Variants in SIPA1L2 observed in about 807,000 individuals in gnomAD.
SIPA1L2 encodes signal induced proliferation associated 1 like 2.
Under a neutral mutation model 163.9 loss-of-function variants are expected in SIPA1L2, and 56 were observed. That is an observed-to-expected ratio of 0.34 (90% CI 0.28 to 0.43). The LOEUF is 0.43. SIPA1L2 is among the 20% of genes least tolerant of loss of function. The pLI is 1.00. For synonymous variants in SIPA1L2, 877 were observed against 865.7 expected (o/e 1.01, Z -0.23); for missense variants, 1,974 against 2,193.5 (o/e 0.90, Z 2.00).
At chr1:232,531,503 C>G (rs1394108955) in intron 2 of SIPA1L2, among the ~76,000 whole-genome samples, 1 of 152,120 alleles carries the variant, frequency 6.6e-6, no homozygotes, top group African/African-American at 2.4e-5. Context: ...TTTATTTTTT[C>G]AACAAATACG....
intron 2 of SIPA1L2, among the ~76,000 whole-genome samples, chr1:232,528,140 T>C (rs1667809798): frequency 6.9e-6 from 1 of 144,834 alleles, no homozygotes; most frequent in African/African-American, 2.6e-5. Flanking sequence ...CCCAAAGAAC[T>C]TGTCTGAATA....
intron 2 of SIPA1L2, among the ~76,000 whole-genome samples, chr1:232,515,813 T>C (rs1573013557): frequency 6.6e-6 from 1 of 152,216 alleles, no homozygotes; most frequent in East Asian, 1.9e-4. Flanking sequence ...CAATCAGGTA[T>C]TAACTCATCT....
chr1:232,572,207 A>C (rs1367242653), intron 2 of SIPA1L2, among the ~76,000 whole-genome samples: 2 of 152,170 alleles, frequency 1.3e-5, no homozygotes, highest in Non-Finnish European at 2.9e-5. Context: ...GGGCAGCATG[A>C]GGTGTCCCTT....
At chr1:232,627,128 T>C (rs568997604) in intron 1 of SIPA1L2, among the ~76,000 whole-genome samples, 4 of 152,312 alleles carry the variant, frequency 2.6e-5, no homozygotes, top group African/African-American at 7.2e-5. Context: ...TTAAAAGGAT[T>C]TGTAATCCTC....
At chr1:232,504,542 A>G (rs563854773) in intron 3 of SIPA1L2, among the ~76,000 whole-genome samples, 6 of 152,218 alleles carry the variant, frequency 3.9e-5, no homozygotes, top group African/African-American at 1.4e-4. Flanking sequence ...CATCTCAGAA[A>G]GACAAAAAAA....
In SIPA1L2 at chr1:232,515,144, T is replaced by C. The variant is rs1260526653; in HGVS notation, c.196A>G (p.Asn66Asp). Residue 66 changes from asparagine to aspartate, a missense_variant, in exon 3 of 23, where the codon AAT (asparagine) becomes GAT (aspartate). Physicochemically the swap from Asn to Asp is conservative, Grantham distance 23. Around this residue, in one of 3 missense-constraint regions of SIPA1L2, gnomAD observed 607 missense variants for 624.0 expected, o/e 0.97. Coordinates refer to ENST00000674635, the MANE Select transcript of SIPA1L2 (RefSeq NM_020808.5). Reference protein sequence around the residue: ...SNETGGGGPANGTPAVPKMGV... With the variant: ...SNETGGGGPADGTPAVPKMGV... ...ATCTTGGGCACAGCTGGGGTACCAT[T>C]AGCCGGACCACCACCGCCAGTCTCA... 6.2e-7 allele frequency: 1 copy of C among 1,614,002 alleles called. No homozygotes were observed. Among genetic ancestry groups the C allele is most frequent in the South Asian group, 1.1e-5 (1 of 91,072 alleles).
chr1:232,430,558 C>A (rs540324070), intron 16 of SIPA1L2, among the ~76,000 whole-genome samples: 22 of 152,106 alleles, frequency 1.4e-4, no homozygotes, highest in Non-Finnish European at 2.6e-4. Flanking sequence ...TTCAGCAATC[C>A]GGTAAAACAC....
At chr1:232,585,357 A>G (rs1328099340) in intron 1 of SIPA1L2, among the ~76,000 whole-genome samples, 18 of 152,184 alleles carry the variant, frequency 1.2e-4, no homozygotes, top group Admixed American at 1.2e-3. Context: ...AAAAGAAGAT[A>G]TTTACAATCT....
rs1274191405 is a variant in SIPA1L2, at chr1:232,439,190, G to A, written c.3949C>T (p.His1317Tyr). 3.1e-6 allele frequency: 5 copies of A among 1,613,788 alleles called. No individual in the cohort carries two copies. In the African/African-American group the frequency reaches 5.3e-5, roughly 17 times the overall value. The stretch of plus-strand genomic sequence containing the variant: ...GCGGAGATGGTGGACGCGTAGCCAT[G>A]CACAGAATATAACTTGGCTGGCTCG... ...DDEPAKLYSV[H>Y]GYASTISAGS... The change falls in exon 15 of 23, where the codon CAT becomes TAT. Residue 1317 changes from histidine to tyrosine, a missense_variant. Physicochemically the swap from His to Tyr is moderately conservative, Grantham distance 83. Coordinates refer to ENST00000674635, the MANE Select transcript of SIPA1L2 (RefSeq NM_020808.5).
chr1:232,569,682 G>C (rs1415383460), intron 2 of SIPA1L2, among the ~76,000 whole-genome samples: 2 of 152,100 alleles, frequency 1.3e-5, no homozygotes, highest in Non-Finnish European at 2.9e-5. Flanking sequence ...GCGTGGTGGC[G>C]CATGCCTGTA....
rs144141040 is a variant in SIPA1L2 at position 232,525,508 on chromosome 1, G to A, written c.-269-9900C>T. 1.2e-3 allele frequency among the ~76,000 whole-genome samples: 178 copies of A among 150,444 alleles called. 2 individuals are homozygous for A. Among genetic ancestry groups the A allele is most frequent in the African/African-American group, 4.2e-3 (172 of 40,812 alleles). On this transcript the variant is annotated intron_variant, in intron 2 of 22. Transcript: ENST00000674635. ...TGACCTCAGGCAATCTGCCCGCCTTGGCCTCCCAAAGTGCTGGGATTACAG... is the reference window on the plus strand; with the variant it reads ...TGACCTCAGGCAATCTGCCCGCCTTAGCCTCCCAAAGTGCTGGGATTACAG...
At position 232,465,266 on chromosome 1, in the gene SIPA1L2, T is replaced by C. The variant is rs1385948529; in HGVS notation, c.2394A>G (p.Arg798=). ...ENAAHKSEKF[R]AMATRTRQEY... ...CCTGCCTCGTTCGAGTGGCCATTGC[T>C]CGAAACTTTTCTGATTTATGGGCTG... Residue 798 remains arginine, a synonymous_variant, in exon 9 of 23, where the codon CGA becomes CGG. Transcript: ENST00000674635. The surrounding 1 kb of genome is among the most constrained non-coding windows in gnomAD (Gnocchi z 4.1). The C allele has an allele frequency of 6.2e-7, 1 of 1,614,206 alleles. No individual in the cohort carries two copies. The highest frequency in any genetic ancestry group is 1.1e-5 in the South Asian group (1 of 91,080).
chr1:232,462,438 G>A, intron 9 of SIPA1L2: 2 of 1,334,046 alleles, frequency 1.5e-6, no homozygotes, highest in South Asian at 3.1e-5. Context: ...GACTGGGGCT[G>A]GTTCATGTAT....
intron 22 of SIPA1L2, among the ~76,000 whole-genome samples, chr1:232,400,247 C>T (rs905219161): frequency 3.3e-5 from 5 of 152,142 alleles, no homozygotes; most frequent in East Asian, 1.9e-4. Flanking sequence ...TGACTCTCCC[C>T]GGACATTCCT....
chr1:232,492,987 C>T (rs1252853628), intron 4 of SIPA1L2, among the ~76,000 whole-genome samples: 1 of 152,122 alleles, frequency 6.6e-6, no homozygotes, highest in East Asian at 1.9e-4. Flanking sequence ...TGTCCCTGCC[C>T]AAATCTCATG....
chr1:232,444,889 T>G (rs1002040893), intron 11 of SIPA1L2, among the ~76,000 whole-genome samples: 2 of 152,180 alleles, frequency 1.3e-5, no homozygotes, highest in Admixed American at 6.5e-5. Flanking sequence ...ACATGTTACA[T>G]AAAAGTTAGA....
intron 9 of SIPA1L2, chr1:232,462,183 A>C: frequency 6.5e-7 from 1 of 1,537,690 alleles, no homozygotes; most frequent in Non-Finnish European, 8.8e-7. Context: ...CAGCCCTCAA[A>C]AGCACTCACC....
At chr1:232,485,847 T>C (rs1174067624) in intron 5 of SIPA1L2, among the ~76,000 whole-genome samples, 3 of 152,186 alleles carry the variant, frequency 2.0e-5, no homozygotes, top group Admixed American at 6.5e-5. Flanking sequence ...TACCGAAGAA[T>C]ACTAACTCAC....
intron 9 of SIPA1L2, chr1:232,462,098 G>T (rs1247432040): frequency 2.2e-6 from 2 of 906,842 alleles, no homozygotes; most frequent in Non-Finnish European, 3.6e-6. Context: ...AGAGTCAACA[G>T]CAGTTCCACA....
Sources: gnomAD v4.1 joint callset for allele counts (sites outside exome capture counted in the v4.1 genomes callset) on GRCh38, gnomAD v4.1.1 for gene constraint, gnomAD v4.1.1 regional missense constraint, Gnocchi (gnomAD v3.1) non-coding constraint, MANE v1.5 for transcripts, NCBI Gene and HGNC (gene_info 2026-07-23, HGNC 2026-07-21) for gene names.